The following PLLP variants were observed in gnomAD, a reference collection of about 807,000 sequenced individuals.
The protein encoded by PLLP is plasma membrane proteolipid (plasmolipin).
PLLP carries 15 observed loss-of-function variants against 19.7 expected under a neutral mutation model. The observed-to-expected ratio is 0.76, with a 90% CI of 0.51 to 1.17. PLLP has a LOEUF of 1.17. Among genes scored for constraint, PLLP ranks in the 50% most tolerant of loss-of-function variants. The probability of loss-of-function intolerance (pLI) is 0.00; values close to 1 mark genes in which losing one functional copy is unlikely to be tolerated. For missense variants in PLLP, 255 were observed against 258.3 expected (o/e 0.99, Z 0.09); for synonymous variants, 111 against 116.3 (o/e 0.95, Z 0.29).
intron 1 of PLLP, among the ~76,000 whole-genome samples, chr16:57,271,456 CA>C (rs1352126407): frequency 6.6e-6 from 1 of 151,910 alleles, no homozygotes; most frequent in Non-Finnish European, 1.5e-5. Context: ...CCAGCTTGGC[CA>C]ACATGGTGAA....
Position 57,284,387 on chromosome 16 carries a change from G to T in PLLP, c.135+19C>A. 1 of 1,370,728 alleles carries T rather than the reference G, an allele frequency of 7.3e-7. No homozygotes were observed. 84.9% of individuals were successfully genotyped at this position (1,370,728 alleles called of 1,614,324 possible). A position where few individuals can be genotyped will look rare whatever the true frequency, so the allele number is the denominator to read the frequency against. The stretch of plus-strand genomic sequence containing the variant: ...CCGGGAGCCCCCGGCCAACCCCGTG[G>T]GCCCGCGCGTGCTCTCACCAGCTGC... On this transcript the variant is annotated intron_variant, in intron 1 of 3. Coordinates refer to ENST00000219207, the MANE Select transcript of PLLP (RefSeq NM_015993.3).
chr16:57,260,306 T>G (rs2075438249), intron 2 of PLLP, among the ~76,000 whole-genome samples: 1 of 152,124 alleles, frequency 6.6e-6, no homozygotes, highest in Admixed American at 6.6e-5. Flanking sequence ...CTCCTTCCAT[T>G]AACAGCCACG....
chr16:57,261,301 G>A (rs1168816883), intron 2 of PLLP, among the ~76,000 whole-genome samples: 2 of 152,000 alleles, frequency 1.3e-5, no homozygotes, highest in African/African-American at 2.4e-5. Flanking sequence ...CACCACACCC[G>A]GCCGGGAAAA....
chr16:57,260,200 C>T (rs769294098), intron 2 of PLLP, among the ~76,000 whole-genome samples: 8 of 152,164 alleles, frequency 5.3e-5, no homozygotes, highest in Non-Finnish European at 1.0e-4. Context: ...CATGCTAATC[C>T]AGCCTTCTCT....
intron 1 of PLLP, among the ~76,000 whole-genome samples, chr16:57,266,476 A>G (rs756376026): frequency 6.6e-6 from 1 of 152,142 alleles, no homozygotes; most frequent in Non-Finnish European, 1.5e-5. Flanking sequence ...CACCCAACAC[A>G]GGCCTCGCTG....
chr16:57,274,974 G>T, intron 1 of PLLP, among the ~76,000 whole-genome samples: 1 of 151,444 alleles, frequency 6.6e-6, no homozygotes, highest in Non-Finnish European at 1.5e-5. Flanking sequence ...TGTTAGCCAG[G>T]ATGGTCTCAA....
intron 1 of PLLP, among the ~76,000 whole-genome samples, chr16:57,274,221 G>A (rs1171220690): frequency 3.3e-5 from 5 of 152,000 alleles, no homozygotes; most frequent in Non-Finnish European, 7.4e-5. Context: ...AGGCTCAAGT[G>A]ATCCTCCTGC....
chr16:57,276,768 C>A (rs1397082708), intron 1 of PLLP, among the ~76,000 whole-genome samples: 1 of 152,196 alleles, frequency 6.6e-6, no homozygotes, highest in East Asian at 1.9e-4. Context: ...GTGACCTCTC[C>A]GGAAGGCATT....
At chr16:57,277,464 G>T (rs893160814) in intron 1 of PLLP, among the ~76,000 whole-genome samples, 1 of 152,158 alleles carries the variant, frequency 6.6e-6, no homozygotes, top group African/African-American at 2.4e-5. Flanking sequence ...GGTGGTGCGT[G>T]CCTGTAATCC....
chr16:57,263,967 C>T (rs1022934031), intron 1 of PLLP, among the ~76,000 whole-genome samples: 1 of 152,162 alleles, frequency 6.6e-6, no homozygotes, highest in African/African-American at 2.4e-5. Context: ...AGAGAAGCGG[C>T]TCCGGAGCAG....
intron 1 of PLLP, among the ~76,000 whole-genome samples, chr16:57,274,548 G>A (rs1331458567): frequency 6.6e-6 from 1 of 151,970 alleles, no homozygotes; most frequent in African/African-American, 2.4e-5. Context: ...TGCCTCCGGG[G>A]TTCAAGCGAT....
chr16:57,279,953 G>A (rs1245725105), intron 1 of PLLP, among the ~76,000 whole-genome samples: 3 of 152,218 alleles, frequency 2.0e-5, no homozygotes, highest in African/African-American at 7.2e-5. Flanking sequence ...AAACCAAATG[G>A]CCTTACCGCC....
chr16:57,278,115 A>G (rs56971668), intron 1 of PLLP, among the ~76,000 whole-genome samples: 4,570 of 152,176 alleles, frequency 0.03, 234 homozygotes, highest in African/African-American at 0.1. Flanking sequence ...AGAGACAGGC[A>G]GATCACCTGA....
chr16:57,283,186 C>T lies in PLLP; in HGVS notation c.135+1220G>A, dbSNP rs576891497. Among the ~76,000 whole-genome samples, 14 of 152,286 alleles carry T rather than the reference C, an allele frequency of 9.2e-5. No individual in the cohort carries two copies. The South Asian group carries it at 1.7e-3, about 18-fold the overall frequency. ...GCTGTACTTCCTGAGATTCAAATTCCGATTGCACATTTTTTTCCGGGGGTG... is the reference window on the plus strand; with the variant it reads ...GCTGTACTTCCTGAGATTCAAATTCTGATTGCACATTTTTTTCCGGGGGTG... On this transcript the variant is annotated intron_variant, in intron 1 of 3. Transcript: ENST00000219207.
At chr16:57,273,291 C>T (rs920765638) in intron 1 of PLLP, among the ~76,000 whole-genome samples, 4 of 152,028 alleles carry the variant, frequency 2.6e-5, no homozygotes, top group Non-Finnish European at 5.9e-5. Context: ...GCAATGCTCC[C>T]ATCCTGCCAC....
Position 57,256,920 on chromosome 16 carries a change from T to G in PLLP, c.542A>C (p.Tyr181Ser). 1 of 1,610,384 alleles carries G rather than the reference T, an allele frequency of 6.2e-7. No individual in the cohort carries two copies. Among genetic ancestry groups the G allele is most frequent in the East Asian group, 2.2e-5 (1 of 44,868 alleles). The change falls in exon 4 of 4, where the codon TAT becomes TCT. Residue 181 changes from tyrosine to serine, a missense_variant. Coordinates refer to ENST00000219207, the MANE Select transcript of PLLP (RefSeq NM_015993.3). ...NAATSQMAGGYA is the reference protein window; with the variant it reads ...NAATSQMAGGSA ...GGCCGTGGCACAGGTGGTTTAGGCA[T>G]AGCCGCCAGCCATCTGACTGGTGGC...
chr16:57,282,296 T>G (rs1901230408), intron 1 of PLLP, among the ~76,000 whole-genome samples: 1 of 151,536 alleles, frequency 6.6e-6, no homozygotes. Context: ...CAGGCTGGAG[T>G]GCAGTGGTGC....
chr16:57,265,448 C>T (rs562349179), intron 1 of PLLP, among the ~76,000 whole-genome samples: 3 of 152,362 alleles, frequency 2.0e-5, no homozygotes, highest in East Asian at 3.9e-4. Context: ...GCCTCCGCTG[C>T]CACTGTGTTG....
At chr16:57,260,662 C>T (rs567850539) in intron 2 of PLLP, among the ~76,000 whole-genome samples, 1 of 152,294 alleles carries the variant, frequency 6.6e-6, no homozygotes, top group Non-Finnish European at 1.5e-5. Flanking sequence ...AAGCCTCAGA[C>T]CCCAGCTGCA....
Sources: allele counts gnomAD v4.1 joint callset (sites outside exome capture counted in the v4.1 genomes callset), GRCh38; gene constraint gnomAD v4.1.1; transcripts MANE v1.5; gene names NCBI Gene and HGNC (gene_info 2026-07-23, HGNC 2026-07-21).